The following PCDHA1 variants were observed in gnomAD, a reference collection of about 807,000 sequenced individuals.
The protein encoded by PCDHA1 is protocadherin alpha 1, also known as protocadherin alpha-1.
Under a neutral mutation model 61.3 loss-of-function variants are expected in PCDHA1, and 42 were observed. The ratio of observed to expected loss-of-function variants is 0.69; its 90% CI spans 0.54 to 0.89. The LOEUF (loss-of-function observed/expected upper bound fraction) is 0.89. Among genes scored for constraint, PCDHA1 ranks in the 40% least tolerant of loss-of-function variants. PCDHA1 has a pLI of 0.00. For missense variants in PCDHA1, 1,256 were observed against 1,235.3 expected (o/e 1.02, Z -0.25); for synonymous variants, 610 against 553.8 (o/e 1.10, Z -1.43).
At chr5:140,949,991 A>T (rs1585353048) in intron 1 of PCDHA1, among the ~76,000 whole-genome samples, 1 of 151,822 alleles carries the variant, frequency 6.6e-6, no homozygotes, top group East Asian at 1.9e-4. Flanking sequence ...AACTTTTCTC[A>T]GTCCACTTAA....
intron 1 of PCDHA1, chr5:140,927,582 G>C (rs1554204771): frequency 1.2e-6 from 2 of 1,614,174 alleles, no homozygotes; most frequent in Non-Finnish European, 8.5e-7. Context: ...ATGACAACGC[G>C]CCTGTATTTG....
chr5:140,876,455 C>G, intron 1 of PCDHA1: 1 of 1,613,992 alleles, frequency 6.2e-7, no homozygotes, highest in Non-Finnish European at 8.5e-7. Context: ...AAAGGGATTC[C>G]TTCCATGGCA....
chr5:140,955,889 GT>G (rs1305358742), intron 1 of PCDHA1, among the ~76,000 whole-genome samples: 2 of 151,880 alleles, frequency 1.3e-5, no homozygotes, highest in Non-Finnish European at 2.9e-5. Flanking sequence ...ATTCCTAGGT[GT>G]TTTATTCTCT....
At chr5:140,819,969 G>A (rs1766662256) in intron 1 of PCDHA1, among the ~76,000 whole-genome samples, 1 of 151,792 alleles carries the variant, frequency 6.6e-6, no homozygotes, top group South Asian at 2.1e-4. Flanking sequence ...TTTTTTCAAA[G>A]GTTATCTTTG....
At chr5:140,838,077 AGTGTGTGTGTGTGT>A (rs57130401) in intron 1 of PCDHA1, among the ~76,000 whole-genome samples, 81 of 80,694 alleles carry the variant, frequency 1.0e-3, no homozygotes, top group East Asian at 2.9e-3. Flanking sequence ...ATATATATAT[AGTGTGTGTGTGTGT>A]GTGTGTGTGT....
At chr5:140,915,264 G>A (rs536821921) in intron 1 of PCDHA1, among the ~76,000 whole-genome samples, 9 of 151,876 alleles carry the variant, frequency 5.9e-5, no homozygotes, top group Non-Finnish European at 1.3e-4. Context: ...TATTATTTTT[G>A]ACCAGTTCAT....
At chr5:140,982,453 C>T (rs1554244194) in intron 2 of PCDHA1, 22 bp from the exon 3 acceptor site, 5 of 1,613,812 alleles carry the variant, frequency 3.1e-6, no homozygotes, top group African/African-American at 1.3e-5. Context: ...TAACCGTTAT[C>T]TGGGTCTGTG....
intron 1 of PCDHA1, among the ~76,000 whole-genome samples, chr5:140,826,796 T>C (rs1158951644): frequency 6.6e-6 from 1 of 152,184 alleles, no homozygotes; most frequent in Non-Finnish European, 1.5e-5. Flanking sequence ...AAAAAGTTGA[T>C]TACCTAACAT....
chr5:140,916,276 C>T (rs1012702427), intron 1 of PCDHA1, among the ~76,000 whole-genome samples: 4 of 152,192 alleles, frequency 2.6e-5, no homozygotes, highest in African/African-American at 7.2e-5. Flanking sequence ...GCTTGTTGCT[C>T]TACTCCACGT....
chr5:140,941,255 C>CTTTCTTTCTTTCTTTCTTTCTCTT (rs782490896), intron 1 of PCDHA1, among the ~76,000 whole-genome samples: 1 of 44,508 alleles, frequency 2.2e-5, no homozygotes, highest in Non-Finnish European at 5.1e-5. Flanking sequence ...TTCTTTCTTT[C>CTTTCTTTCTTTCTTTCTTTCTCTT]TCTTTCTTTC....
At chr5:140,941,191 T>TTTTCTTTCTTTCTTTC (rs1217097209) in intron 1 of PCDHA1, among the ~76,000 whole-genome samples, 1 of 93,206 alleles carries the variant, frequency 1.1e-5, no homozygotes, top group Admixed American at 1.2e-4. Flanking sequence ...GCTTCTTTTT[T>TTTTCTTTCTTTCTTTC]TTTCTTTCTT....
In PCDHA1 at chr5:140,795,536, CTTT is replaced by C. The variant is rs1554119482; in HGVS notation, c.2394+6853_2394+6855del. 6.2e-6 allele frequency: 10 copies of C among 1,614,056 alleles called. No individual in the cohort carries two copies. The South Asian group carries it at 1.1e-4, about 18-fold the overall frequency. On this transcript the variant is annotated intron_variant, in intron 1 of 3. Transcript: ENST00000504120. The stretch of plus-strand genomic sequence containing the variant: ...CAGGCAAATGATGAACTAAGCGAAT[CTTT>C]GTCTCTCGTGCTGGGGAAATCGCTG...
chr5:140,882,364 C>G (rs1582611912), intron 1 of PCDHA1: 13 of 1,614,244 alleles, frequency 8.1e-6, no homozygotes, highest in Non-Finnish European at 1.1e-5. Flanking sequence ...GCCAGCTCCA[C>G]TACTCCGTCC....
At chr5:140,903,567 G>T (rs1554191019) in intron 1 of PCDHA1, among the ~76,000 whole-genome samples, 1 of 152,170 alleles carries the variant, frequency 6.6e-6, no homozygotes, top group African/African-American at 2.4e-5. Flanking sequence ...GTGGAATTGG[G>T]AGCTGTCTAG....
chr5:140,886,122 C>T (rs1394228638), intron 1 of PCDHA1, among the ~76,000 whole-genome samples: 1 of 152,116 alleles, frequency 6.6e-6, no homozygotes, highest in Non-Finnish European at 1.5e-5. Context: ...AACATAGTTC[C>T]GTAACAACCA....
chr5:140,850,641 C>G lies in PCDHA1; in HGVS notation c.2394+61957C>G, dbSNP rs2041729917. 1.9e-6 allele frequency: 3 copies of G among 1,598,540 alleles called. No homozygotes were observed. Among genetic ancestry groups the G allele is most frequent in the African/African-American group, 1.3e-5 (1 of 74,394 alleles). On this transcript the variant is annotated intron_variant, in intron 1 of 3. Coordinates refer to ENST00000504120, the MANE Select transcript of PCDHA1 (RefSeq NM_018900.4). ...GTCTAGCCTGTTGGTTCTCACGCTG[C>G]TGCTGTACACTGTGCTGCGGTGCTC...
chr5:140,981,917 A>G (rs1465971302), intron 2 of PCDHA1, among the ~76,000 whole-genome samples: 1 of 152,218 alleles, frequency 6.6e-6, no homozygotes, highest in Non-Finnish European at 1.5e-5. Flanking sequence ...GTGGTGATCA[A>G]GTTTCTCTAG....
At chr5:140,823,460 C>A in intron 1 of PCDHA1, 1 of 1,613,408 alleles carries the variant, frequency 6.2e-7, no homozygotes, top group Non-Finnish European at 8.5e-7. Context: ...GACAACGCGC[C>A]GGCGCTGCTG....
chr5:140,945,701 CA>C (rs1563215722), intron 1 of PCDHA1, among the ~76,000 whole-genome samples: 1 of 151,988 alleles, frequency 6.6e-6, no homozygotes, highest in Non-Finnish European at 1.5e-5. Context: ...CACTGATTTG[CA>C]ACAAAAGTAT....
Sources: allele counts gnomAD v4.1 joint callset (sites outside exome capture counted in the v4.1 genomes callset), GRCh38; gene constraint gnomAD v4.1.1; transcripts MANE v1.5; gene names NCBI Gene and HGNC (gene_info 2026-07-23, HGNC 2026-07-21).